LRFN5: variants seen among roughly 807,000 people sequenced by gnomAD.
LRFN5 encodes the protein leucine-rich repeat and fibronectin type-III domain-containing protein 5.
Under a neutral mutation model 45.6 loss-of-function variants are expected in LRFN5, and 24 were observed. The ratio of observed to expected loss-of-function variants is 0.53; its 90% CI spans 0.38 to 0.74. The LOEUF (loss-of-function observed/expected upper bound fraction) is 0.74. LRFN5 is among the 30% of genes least tolerant of loss of function. The pLI is 0.00. For missense variants in LRFN5, 776 were observed against 861.5 expected, an observed-to-expected ratio of 0.90 and a Z score of 1.24; for synonymous variants, 340 against 313.8, an observed-to-expected ratio of 1.08 and a Z score of -0.88.
intron 1 of LRFN5, among the ~76,000 whole-genome samples, chr14:41,622,127 CT>C (rs35981090): frequency 3.9e-3 from 558 of 144,774 alleles, no homozygotes; most frequent in African/African-American, 0.011. Context: ...TTCCATCCCT[CT>C]TTTTTTTTTT....
At chr14:41,650,045 T>C (rs1158658222) in intron 1 of LRFN5, among the ~76,000 whole-genome samples, 1 of 152,156 alleles carries the variant, frequency 6.6e-6, no homozygotes, top group Non-Finnish European at 1.5e-5. Flanking sequence ...TTTTGCGTTT[T>C]AGTTAAAAGT....
chr14:41,716,708 C>T (rs1883509230), intron 1 of LRFN5, among the ~76,000 whole-genome samples: 1 of 152,154 alleles, frequency 6.6e-6, no homozygotes, highest in South Asian at 2.1e-4. Flanking sequence ...ATTTTCCTGT[C>T]TTCTGAGCCA....
intron 2 of LRFN5, among the ~76,000 whole-genome samples, chr14:41,817,765 G>C (rs985770035): frequency 1.1e-4 from 16 of 152,094 alleles, no homozygotes; most frequent in African/African-American, 3.9e-4. Context: ...TAAACTCCGG[G>C]GGGTAAAATA....
At position 41,607,626 on chromosome 14, in the gene LRFN5, C is replaced by T. The variant is rs1302849061; in HGVS notation, c.-1133C>T. 13 of 152,232 alleles carry T rather than the reference C, an allele frequency of 8.5e-5. No homozygotes were observed. The allele number at this position is 152,232 out of a possible 1,614,324, so 9.4% of individuals were successfully genotyped here. On this transcript the variant is annotated 5_prime_UTR_variant, in exon 1 of 6. Coordinates refer to ENST00000298119, the MANE Select transcript of LRFN5 (RefSeq NM_152447.5). ...GCAAATGTGTTAACTCGGCGATGCC[C>T]CTTCATGCCCGGGTTCTTGCAGAGC...
chr14:41,677,155 A>G (rs776835603), intron 1 of LRFN5, among the ~76,000 whole-genome samples: 1 of 152,242 alleles, frequency 6.6e-6, no homozygotes, highest in Non-Finnish European at 1.5e-5. Flanking sequence ...AAAAAAATCT[A>G]GCAGAGATAT....
At chr14:41,655,876 C>T (rs916382336) in intron 1 of LRFN5, among the ~76,000 whole-genome samples, 6 of 151,982 alleles carry the variant, frequency 3.9e-5, no homozygotes, top group Admixed American at 2.0e-4. Context: ...ATAAGGATTA[C>T]ATAGTTCATA....
At chr14:41,638,562 A>T (rs1879417491) in intron 1 of LRFN5, among the ~76,000 whole-genome samples, 1 of 152,198 alleles carries the variant, frequency 6.6e-6, no homozygotes, top group South Asian at 2.1e-4. Context: ...ACGTTTAAAA[A>T]TAACTGATTT....
intron 2 of LRFN5, among the ~76,000 whole-genome samples, chr14:41,869,015 G>A (rs893907974): frequency 2.6e-5 from 4 of 151,906 alleles, no homozygotes; most frequent in African/African-American, 9.7e-5. Context: ...ATATGTCCTT[G>A]GTTTTGAAAT....
chr14:41,674,924 G>A (rs976563418), intron 1 of LRFN5, among the ~76,000 whole-genome samples: 2 of 151,830 alleles, frequency 1.3e-5, no homozygotes, highest in African/African-American at 2.4e-5. Context: ...CCTCCCAGAC[G>A]GGGTCGCGGC....
chr14:41,857,034 GTGT>G (rs1196172952), intron 2 of LRFN5, among the ~76,000 whole-genome samples: 1 of 151,904 alleles, frequency 6.6e-6, no homozygotes, highest in African/African-American at 2.4e-5. Flanking sequence ...AACCTTTTAA[GTGT>G]TGTTTTATTT....
intron 1 of LRFN5, among the ~76,000 whole-genome samples, chr14:41,677,287 T>C (rs1366816068): frequency 1.3e-5 from 2 of 151,456 alleles, no homozygotes; most frequent in East Asian, 3.9e-4. Context: ...ATAACGAGAG[T>C]CACTACAATC....
At chr14:41,713,806 G>T (rs1883379179) in intron 1 of LRFN5, among the ~76,000 whole-genome samples, 1 of 152,048 alleles carries the variant, frequency 6.6e-6, no homozygotes. Context: ...GAAACAATTT[G>T]TCATTATCTT....
chr14:41,900,150 C>A (rs376911815), intron 5 of LRFN5, among the ~76,000 whole-genome samples: 1 of 152,012 alleles, frequency 6.6e-6, no homozygotes, highest in South Asian at 2.1e-4. Context: ...TCCAGCCAAC[C>A]TGAAATTTAG....
intron 1 of LRFN5, among the ~76,000 whole-genome samples, chr14:41,749,060 A>G (rs918481385): frequency 6.6e-6 from 1 of 152,086 alleles, no homozygotes; most frequent in Admixed American, 6.6e-5. Flanking sequence ...TATGTTTTAT[A>G]ATGAACTCAC....
At chr14:41,848,400 A>G (rs948627849) in intron 2 of LRFN5, among the ~76,000 whole-genome samples, 5 of 152,054 alleles carry the variant, frequency 3.3e-5, no homozygotes, top group African/African-American at 1.2e-4. Context: ...AAACAAACCC[A>G]AGGTCAGCAG....
At chr14:41,886,533 T>A in intron 2 of LRFN5, 73 bp from the exon 3 acceptor site, 4 of 974,422 alleles carry the variant, frequency 4.1e-6, no homozygotes, top group Non-Finnish European at 4.5e-6. Context: ...CATACAAATA[T>A]TATTCTAGTA....
At chr14:41,883,515 CTG>C (rs920419869) in intron 2 of LRFN5, among the ~76,000 whole-genome samples, 2 of 152,158 alleles carry the variant, frequency 1.3e-5, no homozygotes, top group African/African-American at 4.8e-5. Context: ...GGTGAAGAAA[CTG>C]TTTCTCTTAA....
At chr14:41,790,620 C>T (rs1386394411) in intron 2 of LRFN5, among the ~76,000 whole-genome samples, 1 of 149,198 alleles carries the variant, frequency 6.7e-6, no homozygotes, top group Non-Finnish European at 1.5e-5. Context: ...TACATATTAT[C>T]GATATGTAGT....
At chr14:41,800,992 A>G (rs1887309636) in intron 2 of LRFN5, among the ~76,000 whole-genome samples, 1 of 152,094 alleles carries the variant, frequency 6.6e-6, no homozygotes, top group Non-Finnish European at 1.5e-5. Flanking sequence ...CAACAATCCT[A>G]TGGCAAAATT....
Sources: allele counts gnomAD v4.1 joint callset (sites outside exome capture counted in the v4.1 genomes callset), GRCh38; gene constraint gnomAD v4.1.1; transcripts MANE v1.5; gene names NCBI Gene and HGNC (gene_info 2026-07-23, HGNC 2026-07-21).